The following TENM2 variants were observed in gnomAD, a reference collection of about 807,000 sequenced individuals.
TENM2 encodes the protein teneurin transmembrane protein 2, also known as teneurin-2.
Under a neutral mutation model 245.2 loss-of-function variants are expected in TENM2, and 52 were observed. The ratio of observed to expected loss-of-function variants is 0.21; its 90% CI spans 0.17 to 0.27. The LOEUF (loss-of-function observed/expected upper bound fraction) is 0.27. TENM2 is among the 10% of genes least tolerant of loss of function. The pLI is 1.00. For missense variants in TENM2, 3,046 were observed against 3,666.8 expected (o/e 0.83, Z 4.37); for synonymous variants, 1,363 against 1,438.9 (o/e 0.95, Z 1.19).
chr5:167,625,345 C>T (rs1361411626), intron 2 of TENM2, among the ~76,000 whole-genome samples: 1 of 152,140 alleles, frequency 6.6e-6, no homozygotes, highest in Non-Finnish European at 1.5e-5. Flanking sequence ...CTCTCCCCTA[C>T]TATTCAGATT....
the TENM2 span, among the ~76,000 whole-genome samples, chr5:167,027,361 G>C: frequency 6.6e-6 from 1 of 152,292 alleles, no homozygotes; most frequent in Admixed American, 6.5e-5. Flanking sequence ...GTTGAGCCCA[G>C]TTCGCCCAGC....
rs139412463 is a variant in TENM2, at chr5:167,384,086, C to G, written c.502+8613C>G. On this transcript the variant is annotated intron_variant, in intron 2 of 28. Coordinates refer to ENST00000518659, the Ensembl canonical transcript of TENM2. Reference sequence around the variant, plus strand: ...GACCGTATGTGCTAATGATACCTAACTATGTTATAGTAAAATTTGTATTTT... The same window carrying G: ...GACCGTATGTGCTAATGATACCTAAGTATGTTATAGTAAAATTTGTATTTT... Among the ~76,000 whole-genome samples, 282 of 152,274 alleles carry G rather than the reference C, an allele frequency of 1.9e-3. 8 individuals carry two copies. The highest frequency in any genetic ancestry group is 6.8e-3 in the Middle Eastern group (2 of 294).
the TENM2 span, among the ~76,000 whole-genome samples, chr5:167,139,945 T>C: frequency 6.6e-6 from 1 of 152,194 alleles, no homozygotes; most frequent in Admixed American, 6.5e-5. Context: ...ACATATATTT[T>C]TATATTTCAG....
intron 13 of TENM2, chr5:168,187,346 T>C (rs954107195): frequency 7.2e-5 from 11 of 151,902 alleles, no homozygotes; most frequent in African/African-American, 2.7e-4. Flanking sequence ...AAAACTGTCT[T>C]AAGTTATTCT....
At chr5:167,684,302 C>T (rs932432223) in intron 2 of TENM2, among the ~76,000 whole-genome samples, 5 of 152,140 alleles carry the variant, frequency 3.3e-5, no homozygotes, top group African/African-American at 1.2e-4. Flanking sequence ...CAGGGGTAGC[C>T]TTTGTCTCAC....
intron 1 of TENM2, among the ~76,000 whole-genome samples, chr5:167,322,044 CTGGT>C: frequency 6.6e-6 from 1 of 151,800 alleles, no homozygotes; most frequent in Non-Finnish European, 1.5e-5. Context: ...GTTGGCCAGG[CTGGT>C]CTTGAACTCC....
At position 167,646,660 on chromosome 5, in the gene TENM2, C is replaced by T. The variant is rs111733675; in HGVS notation, c.503-229326C>T. On this transcript the variant is annotated intron_variant, in intron 2 of 28. Coordinates refer to ENST00000518659, the Ensembl canonical transcript of TENM2. Reference sequence around the variant, plus strand: ...AGGTAATATCAATGCGTGAACCAGACTGGCTGTGATAGCAACCCGGGGACA... The same window carrying T: ...AGGTAATATCAATGCGTGAACCAGATTGGCTGTGATAGCAACCCGGGGACA... 2.6e-5 allele frequency among the ~76,000 whole-genome samples: 4 copies of T among 152,138 alleles called. No homozygotes were observed. The East Asian group carries it at 7.8e-4, about 30-fold the overall frequency.
At chr5:167,543,493 T>C (rs1285640246) in intron 2 of TENM2, among the ~76,000 whole-genome samples, 1 of 152,156 alleles carries the variant, frequency 6.6e-6, no homozygotes, top group Non-Finnish European at 1.5e-5. Context: ...AATAATATAA[T>C]AGACTTAATG....
the TENM2 span, among the ~76,000 whole-genome samples, chr5:167,039,499 C>T: frequency 0.63 from 95,954 of 151,984 alleles, 32,314 homozygotes; most frequent in African/African-American, 0.88. Context: ...GAAATAGTTC[C>T]AGTGGTAACA....
At chr5:167,243,453 G>T in the TENM2 span, among the ~76,000 whole-genome samples, 1 of 152,108 alleles carries the variant, frequency 6.6e-6, no homozygotes, top group Non-Finnish European at 1.5e-5. Flanking sequence ...GGGAAGTGAA[G>T]ATTGGTGGGA....
At chr5:168,158,311 C>G (rs1757372744) in intron 12 of TENM2, among the ~76,000 whole-genome samples, 1 of 152,078 alleles carries the variant, frequency 6.6e-6, no homozygotes, top group Non-Finnish European at 1.5e-5. Flanking sequence ...CTTTTGATCT[C>G]AGAGAGGAAG....
intron 2 of TENM2, among the ~76,000 whole-genome samples, chr5:167,592,413 A>C (rs1306765089): frequency 1.3e-5 from 2 of 152,168 alleles, no homozygotes; most frequent in African/African-American, 4.8e-5. Flanking sequence ...AGACTACTGT[A>C]ATTCTCCATT....
intron 2 of TENM2, among the ~76,000 whole-genome samples, chr5:167,670,316 C>T (rs765907090): frequency 1.3e-5 from 2 of 152,128 alleles, no homozygotes; most frequent in African/African-American, 4.8e-5. Context: ...GAGATAAGTA[C>T]AAAGGGAGCC....
intron 2 of TENM2, among the ~76,000 whole-genome samples, chr5:167,403,352 A>G (rs1762465118): frequency 6.6e-6 from 1 of 152,072 alleles, no homozygotes; most frequent in African/African-American, 2.4e-5. Context: ...CCTGAAGACG[A>G]AACATAAATC....
chr5:167,260,262 A>G, the TENM2 span, among the ~76,000 whole-genome samples: 1 of 152,164 alleles, frequency 6.6e-6, no homozygotes, highest in Non-Finnish European at 1.5e-5. Flanking sequence ...TTGTAGCAGT[A>G]GAATTAGCAT....
intron 2 of TENM2, among the ~76,000 whole-genome samples, chr5:167,792,931 C>T (rs947598282): frequency 1.3e-5 from 2 of 152,116 alleles, no homozygotes; most frequent in African/African-American, 2.4e-5. Context: ...CAATTTGTCT[C>T]GTTCTTCCTT....
chr5:167,116,114 G>A, the TENM2 span, among the ~76,000 whole-genome samples: 1 of 152,322 alleles, frequency 6.6e-6, no homozygotes, highest in South Asian at 2.1e-4. Flanking sequence ...AGAAGCAGAT[G>A]CCAAAATGGG....
chr5:168,069,507 T>C (rs1790797930), intron 7 of TENM2, among the ~76,000 whole-genome samples: 1 of 152,220 alleles, frequency 6.6e-6, no homozygotes, highest in African/African-American at 2.4e-5. Context: ...TTTAACATGA[T>C]GTCTAAACCC....
chr5:167,230,347 C>A, the TENM2 span, among the ~76,000 whole-genome samples: 2 of 152,102 alleles, frequency 1.3e-5, no homozygotes, highest in Admixed American at 6.6e-5. Context: ...TCAGCTGATC[C>A]CAGCAAAACA....
Sources: allele counts gnomAD v4.1 joint callset (sites outside exome capture counted in the v4.1 genomes callset), GRCh38; gene constraint gnomAD v4.1.1; transcripts MANE v1.5; gene names NCBI Gene and HGNC (gene_info 2026-07-23, HGNC 2026-07-21).